Variants in MYOM1 observed in about 807,000 individuals in gnomAD.
MYOM1 encodes myomesin 1, also known as myomesin-1.
A neutral mutation model predicts 205.3 loss-of-function variants in MYOM1; 164 were observed. The observed-to-expected ratio is 0.80, with a 90% CI of 0.70 to 0.91. The LOEUF is 0.91. Among genes scored for constraint, MYOM1 ranks in the 40% least tolerant of loss-of-function variants. The probability of loss-of-function intolerance (pLI) is 0.00; values close to 1 mark genes in which losing one functional copy is unlikely to be tolerated. For missense variants in MYOM1, 2,011 were observed against 2,127.3 expected, an observed-to-expected ratio of 0.95 and a Z score of 1.08; for synonymous variants, 772 against 789.4, an observed-to-expected ratio of 0.98 and a Z score of 0.37.
chr18:3,208,445 C>T (rs1288839292), intron 2 of MYOM1, among the ~76,000 whole-genome samples: 1 of 152,182 alleles, frequency 6.6e-6, no homozygotes, highest in Non-Finnish European at 1.5e-5. Flanking sequence ...TCTGCCTGAG[C>T]CCAGGAGGTG....
Position 3,095,757 on chromosome 18 carries a change from C to T in MYOM1, c.3728-1451G>A, listed in dbSNP as rs552535610. Among the ~76,000 whole-genome samples, 68 of 152,176 alleles carry T rather than the reference C, an allele frequency of 4.5e-4. No homozygotes were observed. In the Middle Eastern group the frequency reaches 0.017, roughly 38 times the overall value. ...GGTGGTGGAGCTGAGAGCAGGGTCA[C>T]TCCCTCTCTTCTGTATTCCTCTTGG... On this transcript the variant is annotated intron_variant, in intron 25 of 37. Coordinates refer to ENST00000356443, the MANE Select transcript of MYOM1 (RefSeq NM_003803.4).
At chr18:3,197,754 T>C (rs1428054342) in intron 2 of MYOM1, among the ~76,000 whole-genome samples, 1 of 151,880 alleles carries the variant, frequency 6.6e-6, no homozygotes, top group Non-Finnish European at 1.5e-5. Flanking sequence ...GCGCCTGTGG[T>C]CCCAGCTACT....
chr18:3,153,019 G>C (rs2080243085), intron 11 of MYOM1, among the ~76,000 whole-genome samples: 1 of 152,182 alleles, frequency 6.6e-6, no homozygotes, highest in Admixed American at 6.5e-5. Context: ...CTAGGGGTTT[G>C]GGGAGGTGGG....
chr18:3,082,909 T>C (rs2143676737), intron 33 of MYOM1, among the ~76,000 whole-genome samples: 1 of 152,346 alleles, frequency 6.6e-6, no homozygotes, highest in East Asian at 1.9e-4. Flanking sequence ...TGTCTCACTC[T>C]GCCAGATGCT....
chr18:3,193,176 A>C (rs538670175), intron 3 of MYOM1, among the ~76,000 whole-genome samples: 3 of 152,036 alleles, frequency 2.0e-5, no homozygotes, highest in South Asian at 4.1e-4. Flanking sequence ...TGGGAGGCTG[A>C]GGTAGGAGGA....
Position 3,155,290 on chromosome 18 carries a change from C to T in MYOM1, c.1502-202G>A, listed in dbSNP as rs547341004. On this transcript the variant is annotated intron_variant, in intron 10 of 37. Coordinates refer to ENST00000356443, the MANE Select transcript of MYOM1 (RefSeq NM_003803.4). ...AGGCTGGAGGGCAGAGGTGGGATCTCAGCTCACTGCAAGCTCCACCTCCCG... is the reference window on the plus strand; with the variant it reads ...AGGCTGGAGGGCAGAGGTGGGATCTTAGCTCACTGCAAGCTCCACCTCCCG... Among the ~76,000 whole-genome samples, 26 of 152,298 alleles carry T rather than the reference C, an allele frequency of 1.7e-4. No homozygotes were observed. In the South Asian group the frequency reaches 4.6e-3, roughly 27 times the overall value.
chr18:3,101,507 A>T (rs916891864), intron 23 of MYOM1, among the ~76,000 whole-genome samples: 3 of 152,220 alleles, frequency 2.0e-5, no homozygotes, highest in Non-Finnish European at 4.4e-5. Context: ...GCCCAAGGTT[A>T]TATAGCCAGC....
rs1213857791 is a variant in MYOM1, at chr18:3,188,719, G to A, written c.771+29C>T. The A allele has an allele frequency of 5.3e-6, 8 of 1,506,360 alleles. No homozygotes were observed. The South Asian group carries it at 1.1e-4, about 20-fold the overall frequency. The allele number at this position is 1,506,360 out of a possible 1,614,324, so 93.3% of individuals were successfully genotyped here. The stretch of plus-strand genomic sequence containing the variant: ...CCTTATGACATGCATTTCCACCTTT[G>A]TAAGTTACTTTAAACTGTCTTTTCT... On this transcript the variant is annotated intron_variant, in intron 4 of 37. Transcript: ENST00000356443.
At chr18:3,182,612 G>A (rs1002687717) in intron 5 of MYOM1, among the ~76,000 whole-genome samples, 6 of 152,056 alleles carry the variant, frequency 3.9e-5, no homozygotes, top group Non-Finnish European at 8.8e-5. Context: ...TAGAACTTTT[G>A]TCCCTTTGAC....
chr18:3,174,266 C>T, intron 6 of MYOM1, 58 bp from the exon 7 acceptor site: 1 of 1,464,296 alleles, frequency 6.8e-7, no homozygotes, highest in Non-Finnish European at 9.5e-7. Flanking sequence ...TAATTACTAG[C>T]TGTTCTATCA....
chr18:3,155,356 G>A (rs138614654), intron 10 of MYOM1, among the ~76,000 whole-genome samples: 2,408 of 152,256 alleles, frequency 0.016, 43 homozygotes, highest in Middle Eastern at 0.055. Context: ...TGAGTAGCTG[G>A]GACTACAGGC....
chr18:3,118,296 A>G (rs1423546474), intron 20 of MYOM1, among the ~76,000 whole-genome samples: 1 of 152,026 alleles, frequency 6.6e-6, no homozygotes. Context: ...TGCCCCCTCC[A>G]TTTCTTCTCT....
At chr18:3,166,336 T>G (rs1392813938) in intron 9 of MYOM1, among the ~76,000 whole-genome samples, 1 of 150,840 alleles carries the variant, frequency 6.6e-6, no homozygotes. Flanking sequence ...AGCGGTGTGA[T>G]CTCAGCTCAT....
Position 3,164,297 on chromosome 18 carries a change from A to G in MYOM1, c.1482T>C (p.Ser494=), listed in dbSNP as rs1278459650. 6.2e-7 allele frequency: 1 copy of G among 1,612,984 alleles called. No individual in the cohort carries two copies. Among genetic ancestry groups the G allele is most frequent in the Non-Finnish European group, 8.5e-7 (1 of 1,179,470 alleles). Reference sequence around the variant, plus strand: ...ACTTACCTCGAACAAAGACATAAGCACTATATTGTTCATAATATTCTCCCA... The same window carrying G: ...ACTTACCTCGAACAAAGACATAAGCGCTATATTGTTCATAATATTCTCCCA... The part of the protein sequence containing the change: ...VRMGEYYEQY[S]AYVFVRDADA... Residue 494 remains serine, a synonymous_variant, in exon 10 of 38, where the codon AGT becomes AGC. Coordinates refer to ENST00000356443, the MANE Select transcript of MYOM1 (RefSeq NM_003803.4).
chr18:3,114,544 AT>A (rs5822738), intron 21 of MYOM1, among the ~76,000 whole-genome samples: 24,097 of 88,022 alleles, frequency 0.27, 2,910 homozygotes, highest in East Asian at 0.54. Flanking sequence ...TGGTCAGCTA[AT>A]TTTTTTTTTT....
rs1172416664 is a variant in MYOM1 at position 3,214,980 on chromosome 18, C to G, written c.244G>C (p.Val82Leu). 6.2e-7 allele frequency: 1 copy of G among 1,610,618 alleles called. No homozygotes were observed. The highest frequency in any genetic ancestry group is 1.1e-5 in the South Asian group (1 of 90,890). ...QASQHALSSE[V>L]SRKAASAYDY... The stretch of plus-strand genomic sequence containing the variant: ...TAGGCTGAGGCTGCCTTCCGACTGA[C>G]TTCAGAGCTCAGGGCGTGCTGCGAG... Residue 82 changes from valine to leucine, a missense_variant, in exon 2 of 38, where the codon GTC becomes CTC. Coordinates refer to ENST00000356443, the MANE Select transcript of MYOM1 (RefSeq NM_003803.4).
At chr18:3,183,423 T>C (rs1407931251) in intron 5 of MYOM1, among the ~76,000 whole-genome samples, 1 of 152,196 alleles carries the variant, frequency 6.6e-6, no homozygotes, top group East Asian at 1.9e-4. Context: ...TGGGATTGGT[T>C]GGAGAGCGGC....
intron 2 of MYOM1, among the ~76,000 whole-genome samples, chr18:3,199,312 T>A (rs2081035265): frequency 6.6e-6 from 1 of 152,112 alleles, no homozygotes; most frequent in Admixed American, 6.5e-5. Flanking sequence ...AGCCTGAGGT[T>A]ACAGTCAGGC....
rs541711931 is a variant in MYOM1, at chr18:3,171,445, T to C, written c.1175-2464A>G. 2.0e-5 allele frequency among the ~76,000 whole-genome samples: 3 copies of C among 152,206 alleles called. No individual in the cohort carries two copies. The East Asian group carries it at 5.8e-4, about 29-fold the overall frequency. The stretch of plus-strand genomic sequence containing the variant: ...GTCCCCTAGAAACGGACCTAACTTC[T>C]AGGTTCTCTTCTGTATCTGAGATTG... On this transcript the variant is annotated intron_variant, in intron 8 of 37. Transcript: ENST00000356443.
Sources: allele counts gnomAD v4.1 joint callset (sites outside exome capture counted in the v4.1 genomes callset), GRCh38; gene constraint gnomAD v4.1.1; transcripts MANE v1.5; gene names NCBI Gene and HGNC (gene_info 2026-07-23, HGNC 2026-07-21).